The following NELL1 variants were observed in gnomAD, a reference collection of about 807,000 sequenced individuals.
NELL1 encodes neural EGFL like 1.
A neutral mutation model predicts 107.4 loss-of-function variants in NELL1; 76 were observed. The observed-to-expected ratio is 0.71, with a 90% CI of 0.59 to 0.86. NELL1 has a LOEUF of 0.86. Ranked by LOEUF, NELL1 falls within the 40% of genes least tolerant of loss-of-function variation. NELL1 has a pLI of 0.00. For synonymous variants in NELL1, 353 were observed against 341.2 expected, an observed-to-expected ratio of 1.03 and a Z score of -0.38; for missense variants, 1,024 against 1,005.5, an observed-to-expected ratio of 1.02 and a Z score of -0.25.
chr11:20,953,600 C>T (rs543238803), intron 11 of NELL1, among the ~76,000 whole-genome samples: 101 of 152,162 alleles, frequency 6.6e-4, no homozygotes, highest in African/African-American at 2.3e-3. Context: ...CAACAGAGCT[C>T]GATACAGGAC....
intron 2 of NELL1, among the ~76,000 whole-genome samples, chr11:20,725,033 C>G (rs1379983309): frequency 6.6e-6 from 1 of 152,134 alleles, no homozygotes; most frequent in Non-Finnish European, 1.5e-5. Flanking sequence ...CATCAGCTCT[C>G]ATAAGAACTC....
intron 5 of NELL1, among the ~76,000 whole-genome samples, chr11:20,901,116 T>A (rs1849863150): frequency 6.6e-6 from 1 of 152,090 alleles, no homozygotes; most frequent in Admixed American, 6.6e-5. Flanking sequence ...TGGAGGTTCT[T>A]ACCAGCAAAA....
intron 12 of NELL1, among the ~76,000 whole-genome samples, chr11:20,985,994 TGAA>T (rs1172998036): frequency 1.6e-4 from 25 of 152,244 alleles, no homozygotes; most frequent in African/African-American, 5.5e-4. Flanking sequence ...GTCTTCGCAA[TGAA>T]GAAGTTAGAA....
chr11:21,085,480 TA>T (rs1565051176), intron 12 of NELL1, among the ~76,000 whole-genome samples: 1 of 152,060 alleles, frequency 6.6e-6, no homozygotes. Context: ...AGAAAAATCT[TA>T]AAAAATTAGC....
At chr11:21,010,995 A>T (rs1852434850) in intron 12 of NELL1, among the ~76,000 whole-genome samples, 1 of 151,936 alleles carries the variant, frequency 6.6e-6, no homozygotes, top group Non-Finnish European at 1.5e-5. Flanking sequence ...CCTTGAAATT[A>T]CTCCCAAATC....
chr11:20,717,879 A>G (rs1276989951), intron 2 of NELL1, among the ~76,000 whole-genome samples: 3 of 152,216 alleles, frequency 2.0e-5, no homozygotes, highest in Non-Finnish European at 2.9e-5. Context: ...GTGACACTCA[A>G]TGCAAGTGCA....
chr11:20,949,926 C>T (rs758824996), intron 11 of NELL1, among the ~76,000 whole-genome samples: 12 of 152,140 alleles, frequency 7.9e-5, no homozygotes, highest in Non-Finnish European at 1.3e-4. Context: ...AGCTCTTTTA[C>T]TTGGAAGCTA....
intron 14 of NELL1, among the ~76,000 whole-genome samples, chr11:21,302,736 C>A (rs1383136041): frequency 6.6e-6 from 1 of 151,790 alleles, no homozygotes; most frequent in South Asian, 2.1e-4. Flanking sequence ...TGAAACACTG[C>A]TCTAGGTTCT....
intron 14 of NELL1, among the ~76,000 whole-genome samples, chr11:21,257,048 A>C (rs759089127): frequency 1.3e-5 from 2 of 152,024 alleles, no homozygotes; most frequent in Non-Finnish European, 2.9e-5. Context: ...TCCTAGCACT[A>C]GTTCCTAGAG....
chr11:20,857,287 C>T (rs921924136), intron 4 of NELL1, among the ~76,000 whole-genome samples: 4 of 152,132 alleles, frequency 2.6e-5, no homozygotes, highest in Admixed American at 1.3e-4. Context: ...CTGAATAAAA[C>T]CGTATTTCAC....
chr11:21,020,599 A>G (rs1852675131), intron 12 of NELL1, among the ~76,000 whole-genome samples: 1 of 152,004 alleles, frequency 6.6e-6, no homozygotes, highest in Admixed American at 6.6e-5. Flanking sequence ...GCCTAACCCA[A>G]GATGTGCTAT....
At chr11:21,177,944 C>T (rs1856746925) in intron 13 of NELL1, among the ~76,000 whole-genome samples, 1 of 151,772 alleles carries the variant, frequency 6.6e-6, no homozygotes. Flanking sequence ...AGGTGCTTTG[C>T]TCATTTTAAA....
At chr11:20,964,898 C>T (rs149118457) in intron 12 of NELL1, among the ~76,000 whole-genome samples, 15 of 151,590 alleles carry the variant, frequency 9.9e-5, no homozygotes, top group South Asian at 2.1e-4. Flanking sequence ...GACATGGAAC[C>T]GTGTGACAAC....
chr11:21,492,829 G>A (rs1017067517), intron 15 of NELL1, among the ~76,000 whole-genome samples: 9 of 151,812 alleles, frequency 5.9e-5, no homozygotes, highest in South Asian at 2.1e-4. Flanking sequence ...ACACCAGCAT[G>A]ACACATGTAT....
Position 21,560,204 on chromosome 11 carries a change from C to T in NELL1, c.1802C>T (p.Ala601Val). The T allele has an allele frequency of 6.2e-7, 1 of 1,613,596 alleles. No individual in the cohort carries two copies. The highest frequency in any genetic ancestry group is 1.7e-5 in the Admixed American group (1 of 59,990). Residue 601 changes from alanine (A) to valine (V), a missense_variant, in exon 17 of 20, where the codon GCC becomes GTC. Physicochemically the swap from Ala to Val is moderately conservative, Grantham distance 64 (BLOSUM62 0). Coordinates refer to ENST00000357134, the MANE Select transcript of NELL1 (RefSeq NM_006157.5). Reference sequence around the variant, plus strand: ...TATATTGCAGACATTGATGAATGTGCCTTAAGAACTCACACCTGTTGGAAC... The same window carrying T: ...TATATTGCAGACATTGATGAATGTGTCTTAAGAACTCACACCTGTTGGAAC... ...GESCIDIDECALRTHTCWNDS... is the reference protein window; with the variant it reads ...GESCIDIDECVLRTHTCWNDS...
At chr11:20,921,803 T>TTG (rs1564968077) in intron 7 of NELL1, among the ~76,000 whole-genome samples, 1 of 150,808 alleles carries the variant, frequency 6.6e-6, no homozygotes, top group African/African-American at 2.4e-5. Context: ...TGTGTGTTTT[T>TTG]TTTTTTTTTT....
At chr11:20,794,348 A>G (rs927233597) in intron 3 of NELL1, among the ~76,000 whole-genome samples, 1 of 152,352 alleles carries the variant, frequency 6.6e-6, no homozygotes, top group Non-Finnish European at 1.5e-5. Flanking sequence ...GGGTTTCTCC[A>G]GGTAATAATC....
intron 13 of NELL1, among the ~76,000 whole-genome samples, chr11:21,167,865 T>A (rs575815989): frequency 1.6e-4 from 25 of 151,932 alleles, no homozygotes; most frequent in African/African-American, 5.8e-4. Flanking sequence ...TTTAATGTGC[T>A]CTTCTTTTGA....
intron 15 of NELL1, among the ~76,000 whole-genome samples, chr11:21,415,300 C>T (rs1852487878): frequency 6.6e-6 from 1 of 152,196 alleles, no homozygotes; most frequent in African/African-American, 2.4e-5. Flanking sequence ...CAGAGGTGCA[C>T]AGCCTGTGGT....
Sources: allele counts gnomAD v4.1 joint callset (sites outside exome capture counted in the v4.1 genomes callset), GRCh38; gene constraint gnomAD v4.1.1; transcripts MANE v1.5; gene names NCBI Gene and HGNC (gene_info 2026-07-23, HGNC 2026-07-21).